PMFBP1: variants seen among roughly 807,000 people sequenced by gnomAD.
PMFBP1 encodes polyamine modulated factor 1 binding protein 1, also known as polyamine-modulated factor 1-binding protein 1.
In PMFBP1, 131 loss-of-function variants were observed where a neutral mutation model predicts 137.8. The ratio of observed to expected loss-of-function variants is 0.95; its 90% CI spans 0.82 to 1.10. PMFBP1 has a LOEUF of 1.10. Among genes scored for constraint, PMFBP1 ranks in the 50% least tolerant of loss-of-function variants. PMFBP1 has a pLI of 0.00. For synonymous variants in PMFBP1, 490 were observed against 450.4 expected, an observed-to-expected ratio of 1.09 and a Z score of -1.11; for missense variants, 1,199 against 1,175.4, an observed-to-expected ratio of 1.02 and a Z score of -0.29.
At chr16:72,236,001 A>G in the PMFBP1 span, among the ~76,000 whole-genome samples, 2 of 152,130 alleles carry the variant, frequency 1.3e-5, no homozygotes, top group East Asian at 1.9e-4. Context: ...TTGCCTCATT[A>G]TCATCACTAG....
In PMFBP1 at chr16:72,128,643, T is replaced by G. The variant is rs377164059; in HGVS notation, c.2088+14A>C. The G allele has an allele frequency of 5.6e-6, 9 of 1,613,944 alleles. No homozygotes were observed. Among genetic ancestry groups the G allele is most frequent in the African/African-American group, 4.0e-5 (3 of 74,904 alleles). On this transcript the variant is annotated intron_variant, in intron 14 of 20. Transcript: ENST00000237353. ...TTCAAATTCCTCACTCCCTTGGGGT[T>G]CCTGTCTACTCACCTCTTTATTCAA...
At chr16:72,210,543 T>G in the PMFBP1 span, among the ~76,000 whole-genome samples, 2 of 152,156 alleles carry the variant, frequency 1.3e-5, no homozygotes, top group Non-Finnish European at 2.9e-5. Context: ...AGATCCCCAA[T>G]TAGGAGGATG....
intron 19 of PMFBP1, among the ~76,000 whole-genome samples, chr16:72,121,943 C>CCCTGA (rs2042382765): frequency 6.6e-6 from 1 of 152,130 alleles, no homozygotes. Flanking sequence ...GTACATGTTA[C>CCCTGA]ATCGGTAAAC....
chr16:72,222,008 G>A, the PMFBP1 span, among the ~76,000 whole-genome samples: 14 of 152,104 alleles, frequency 9.2e-5, no homozygotes, highest in African/African-American at 2.4e-4. Flanking sequence ...TTTAATTTTC[G>A]TAACTCCAAA....
chr16:72,125,220 C>T lies in PMFBP1; in HGVS notation c.2421+18G>A. 1 of 1,608,902 alleles carries T rather than the reference C, an allele frequency of 6.2e-7. No homozygotes were observed. Among genetic ancestry groups the T allele is most frequent in the Non-Finnish European group, 8.5e-7 (1 of 1,178,282 alleles). On this transcript the variant is annotated intron_variant, in intron 16 of 20. Transcript: ENST00000237353. ...ACCCCTACCAGGAAGGCAGCCCAAG[C>T]CCCTGGCAGCTCCTCACCTCCAGCT...
At chr16:72,211,172 CA>C in the PMFBP1 span, among the ~76,000 whole-genome samples, 2 of 152,184 alleles carry the variant, frequency 1.3e-5, no homozygotes, top group African/African-American at 4.8e-5. Flanking sequence ...TCTTATGAAA[CA>C]AACTAGACTT....
intron 20 of PMFBP1, 169 bp downstream of exon 20, chr16:72,119,682 A>G (rs2042347276): frequency 6.9e-7 from 1 of 1,456,002 alleles, no homozygotes. Context: ...AGGGGTCTTA[A>G]TTTGCCTCCT....
Position 72,129,119 on chromosome 16 carries a change from T to A in PMFBP1, c.1897A>T (p.Met633Leu). The A allele has an allele frequency of 6.2e-7, 1 of 1,614,256 alleles. No individual in the cohort carries two copies. The highest frequency in any genetic ancestry group is 8.5e-7 in the Non-Finnish European group (1 of 1,180,056). The change falls in exon 13 of 21, where the codon ATG (methionine) becomes TTG (leucine). Residue 633 changes from methionine to leucine, a missense_variant. Coordinates refer to ENST00000237353, the MANE Select transcript of PMFBP1 (RefSeq NM_031293.3). ...LKKSKEHEKL[M>L]EGELEALRQE... ...CGCAAAGCTTCAAGTTCTCCCTCCA[T>A]CAGCTTCTCATGCTCTTTGCTCTTC...
In PMFBP1 at chr16:72,122,944, T is replaced by C. The variant is rs1422260218; in HGVS notation, c.2738A>G (p.Lys913Arg). The C allele has an allele frequency of 6.2e-7, 1 of 1,613,474 alleles. No homozygotes were observed. The highest frequency in any genetic ancestry group is 8.5e-7 in the Non-Finnish European group (1 of 1,179,980). Reference protein sequence around the residue: ...KLGNQLREQVKYIAKLSGEKD... With the variant: ...KLGNQLREQVRYIAKLSGEKD... ...TTCGCCACTCAGCTTGGCAATGTAT[T>C]TCACCTGCTCTCGGAGCTGGTTTCC... Residue 913 changes from lysine (K) to arginine (R), a missense_variant, in exon 19 of 21, where the codon AAA becomes AGA. Lys to Arg is a conservative substitution (Grantham distance 26, BLOSUM62 2). Coordinates refer to ENST00000237353, the MANE Select transcript of PMFBP1 (RefSeq NM_031293.3).
the PMFBP1 span, among the ~76,000 whole-genome samples, chr16:72,221,706 A>T: frequency 1.3e-5 from 2 of 152,208 alleles, no homozygotes; most frequent in Non-Finnish European, 2.9e-5. Flanking sequence ...CGTGCAATAC[A>T]TTTGCATTAT....
At chr16:72,139,678 G>A (rs1190911304) in intron 6 of PMFBP1, among the ~76,000 whole-genome samples, 1 of 152,166 alleles carries the variant, frequency 6.6e-6, no homozygotes, top group Non-Finnish European at 1.5e-5. Context: ...GCAGAAGAAG[G>A]TTCTTCAGGG....
At chr16:72,190,234 G>T in the PMFBP1 span, among the ~76,000 whole-genome samples, 2,903 of 152,294 alleles carry the variant, frequency 0.019, 42 homozygotes, top group Non-Finnish European at 0.025. Flanking sequence ...TGAGCAAGGA[G>T]GGGGTTGGTT....
At chr16:72,207,710 A>ATGAGTGTGTGTG in the PMFBP1 span, among the ~76,000 whole-genome samples, 1 of 143,920 alleles carries the variant, frequency 6.9e-6, no homozygotes, top group Non-Finnish European at 1.5e-5. Flanking sequence ...CCAGTAGGGC[A>ATGAGTGTGTGTG]TGTGTGTGTG....
intron 5 of PMFBP1, among the ~76,000 whole-genome samples, chr16:72,145,243 A>G (rs554349207): frequency 2.6e-5 from 4 of 152,220 alleles, no homozygotes; most frequent in Admixed American, 6.5e-5. Context: ...AAAACCGCAC[A>G]ACTGCATGGA....
chr16:72,241,052 A>T, the PMFBP1 span, among the ~76,000 whole-genome samples: 2 of 152,144 alleles, frequency 1.3e-5, no homozygotes, highest in Non-Finnish European at 2.9e-5. Flanking sequence ...ATCTGTAAAC[A>T]TAACTTATGT....
chr16:72,157,202 A>C (rs2042995571), intron 3 of PMFBP1, among the ~76,000 whole-genome samples: 2 of 149,444 alleles, frequency 1.3e-5, no homozygotes, highest in Non-Finnish European at 3.0e-5. Context: ...AAAAAAAAAA[A>C]AAAAAAAAAC....
chr16:72,177,503 C>G (rs1278075965), upstream of PMFBP1, among the ~76,000 whole-genome samples: 1 of 152,186 alleles, frequency 6.6e-6, no homozygotes. Flanking sequence ...GGTGAAAGAA[C>G]AGGAACACAC....
the PMFBP1 span, among the ~76,000 whole-genome samples, chr16:72,186,166 T>A: frequency 6.6e-6 from 1 of 152,158 alleles, no homozygotes; most frequent in Non-Finnish European, 1.5e-5. Flanking sequence ...GTTTTGCAGA[T>A]CTGAGATTTA....
the PMFBP1 span, among the ~76,000 whole-genome samples, chr16:72,201,846 T>C: frequency 6.6e-4 from 100 of 152,338 alleles, 1 homozygote; most frequent in East Asian, 0.017. Flanking sequence ...TCAGATATAT[T>C]GAAAGACAAC....
Sources: allele counts gnomAD v4.1 joint callset (sites outside exome capture counted in the v4.1 genomes callset), GRCh38; gene constraint gnomAD v4.1.1; transcripts MANE v1.5; gene names NCBI Gene and HGNC (gene_info 2026-07-23, HGNC 2026-07-21).